Variants in LRRC1 observed in about 807,000 individuals in gnomAD.
LRRC1 encodes leucine rich repeat containing 1, also known as leucine-rich repeat-containing protein 1.
LRRC1 carries 28 observed loss-of-function variants against 69.9 expected under a neutral mutation model. The ratio of observed to expected loss-of-function variants is 0.40; its 90% CI spans 0.30 to 0.55. The LOEUF (loss-of-function observed/expected upper bound fraction) is 0.55. Ranked by LOEUF, LRRC1 falls within the 20% of genes least tolerant of loss-of-function variation. The pLI is 0.47. For synonymous variants in LRRC1, 236 were observed against 240.2 expected (o/e 0.98, Z 0.16); for missense variants, 498 against 609.0 (o/e 0.82, Z 1.92).
chr6:53,802,650 A>G (rs1305546827), intron 1 of LRRC1, among the ~76,000 whole-genome samples: 3 of 152,196 alleles, frequency 2.0e-5, no homozygotes, highest in African/African-American at 7.2e-5. Flanking sequence ...GAATGTGATC[A>G]TTAAATTTAT....
intron 2 of LRRC1, among the ~76,000 whole-genome samples, chr6:53,846,588 T>C (rs1338352001): frequency 6.6e-6 from 1 of 152,236 alleles, no homozygotes; most frequent in African/African-American, 2.4e-5. Context: ...TTGGTGGATT[T>C]GTTTTTTTAA....
intron 1 of LRRC1, among the ~76,000 whole-genome samples, chr6:53,840,486 G>T (rs1438335438): frequency 6.6e-6 from 1 of 151,496 alleles, no homozygotes; most frequent in African/African-American, 2.4e-5. Flanking sequence ...CATTTTATTG[G>T]TCGCATGGTG....
At chr6:53,812,476 G>T (rs972658720) in intron 1 of LRRC1, among the ~76,000 whole-genome samples, 2 of 151,296 alleles carry the variant, frequency 1.3e-5, no homozygotes, top group Non-Finnish European at 1.5e-5. Context: ...GGATCACGAG[G>T]TCAGGAGATC....
chr6:53,887,823 T>G (rs1767538623), intron 4 of LRRC1, among the ~76,000 whole-genome samples: 1 of 152,162 alleles, frequency 6.6e-6, no homozygotes, highest in South Asian at 2.1e-4. Flanking sequence ...GTGAATGACT[T>G]TCTATGTCAC....
rs558241670 is a variant in LRRC1, at chr6:53,856,111, A to G, written c.277+13884A>G. Among the ~76,000 whole-genome samples the G allele has an allele frequency of 3.9e-5, 6 of 152,376 alleles. No individual in the cohort carries two copies. The South Asian group carries it at 1.2e-3, about 32-fold the overall frequency. ...AGAGATAAACTCAAAGAAATGTTCT[A>G]AATAAAGGCCACATATTTCATTATG... On this transcript the variant is annotated intron_variant, in intron 2 of 13. Transcript: ENST00000370888.
chr6:53,799,763 AACTG>A (rs1764411716), intron 1 of LRRC1, among the ~76,000 whole-genome samples: 1 of 152,214 alleles, frequency 6.6e-6, no homozygotes. Flanking sequence ...TCATATTGCA[AACTG>A]ACTGCTTTTC....
At chr6:53,909,377 C>T (rs1036230693) in intron 10 of LRRC1, among the ~76,000 whole-genome samples, 3 of 152,174 alleles carry the variant, frequency 2.0e-5, no homozygotes, top group African/African-American at 7.2e-5. Context: ...ATCTGTGATA[C>T]ATCCATAGAA....
At chr6:53,822,411 A>G (rs373830215) in intron 1 of LRRC1, among the ~76,000 whole-genome samples, 26 of 152,338 alleles carry the variant, frequency 1.7e-4, no homozygotes, top group Admixed American at 6.5e-4. Flanking sequence ...TATTCCATCA[A>G]TGTTGCTATA....
chr6:53,885,910 G>GT (rs1562060026), intron 4 of LRRC1, among the ~76,000 whole-genome samples: 1 of 152,030 alleles, frequency 6.6e-6, no homozygotes, highest in Non-Finnish European at 1.5e-5. Flanking sequence ...CCAGTCCTGT[G>GT]TTTTTTTACT....
At chr6:53,842,908 A>G (rs910917873) in intron 2 of LRRC1, among the ~76,000 whole-genome samples, 12 of 152,230 alleles carry the variant, frequency 7.9e-5, no homozygotes, top group African/African-American at 2.9e-4. Context: ...GAACATTTGA[A>G]TAGGGCATCC....
At chr6:53,918,180 G>T (rs1768629026) in intron 11 of LRRC1, among the ~76,000 whole-genome samples, 1 of 152,192 alleles carries the variant, frequency 6.6e-6, no homozygotes, top group African/African-American at 2.4e-5. Context: ...ACAATTCATA[G>T]TCTTTTCAAG....
intron 2 of LRRC1, among the ~76,000 whole-genome samples, chr6:53,852,831 T>A (rs1453242289): frequency 2.6e-5 from 4 of 152,216 alleles, no homozygotes; most frequent in Non-Finnish European, 5.9e-5. Flanking sequence ...TTCAACCACC[T>A]GTAGAAATGG....
chr6:53,877,631 C>A (rs960728763), intron 2 of LRRC1, among the ~76,000 whole-genome samples: 2 of 152,140 alleles, frequency 1.3e-5, no homozygotes, highest in African/African-American at 4.8e-5. Flanking sequence ...TTCCACAAAT[C>A]TCTAGGGTAG....
rs187241343 is a variant in LRRC1, at chr6:53,855,946, C to T, written c.277+13719C>T. Among the ~76,000 whole-genome samples the T allele has an allele frequency of 2.0e-5, 3 of 152,286 alleles. No homozygotes were observed. The East Asian group carries it at 5.8e-4, about 29-fold the overall frequency. On this transcript the variant is annotated intron_variant, in intron 2 of 13. Coordinates refer to ENST00000370888, the MANE Select transcript of LRRC1 (RefSeq NM_018214.5). The stretch of plus-strand genomic sequence containing the variant: ...GCATGGTAAAGAGGTCTCCTTTTTG[C>T]AGCTCATTGGCATCTTCTGAGCAGA...
At chr6:53,868,969 C>G (rs948156239) in intron 2 of LRRC1, among the ~76,000 whole-genome samples, 1 of 152,166 alleles carries the variant, frequency 6.6e-6, no homozygotes, top group Non-Finnish European at 1.5e-5. Flanking sequence ...GCAGCACTTA[C>G]ATTATGATAT....
intron 5 of LRRC1, 132 bp downstream of exon 5, chr6:53,896,686 C>G: frequency 2.0e-6 from 2 of 1,000,688 alleles, no homozygotes; most frequent in South Asian, 2.9e-5. Context: ...CCGGCCTTTT[C>G]TTAACAATCC....
chr6:53,854,155 G>A (rs901878941), intron 2 of LRRC1, among the ~76,000 whole-genome samples: 4 of 152,164 alleles, frequency 2.6e-5, no homozygotes, highest in Non-Finnish European at 4.4e-5. Context: ...TGTACTACAC[G>A]AGGCTCTGCT....
chr6:53,899,978 C>T, intron 8 of LRRC1, 87 bp downstream of exon 8: 3 of 1,061,646 alleles, frequency 2.8e-6, no homozygotes, highest in South Asian at 1.8e-5. Flanking sequence ...TTGGTCACCA[C>T]TTTCAGATGC....
At chr6:53,797,435 A>T (rs1468915597) in intron 1 of LRRC1, among the ~76,000 whole-genome samples, 3 of 152,178 alleles carry the variant, frequency 2.0e-5, no homozygotes, top group Non-Finnish European at 4.4e-5. Context: ...ACCACCTTGC[A>T]AACATAGATA....
Sources: allele counts gnomAD v4.1 joint callset (sites outside exome capture counted in the v4.1 genomes callset), GRCh38; gene constraint gnomAD v4.1.1; transcripts MANE v1.5; gene names NCBI Gene and HGNC (gene_info 2026-07-23, HGNC 2026-07-21).